The following ZNF385D variants were observed in gnomAD, a reference collection of about 807,000 sequenced individuals.
ZNF385D encodes the protein zinc finger protein 659.
In ZNF385D, 15 loss-of-function variants were observed where a neutral mutation model predicts 35.8. The ratio of observed to expected loss-of-function variants is 0.42; its 90% confidence interval spans 0.28 to 0.64. The LOEUF (loss-of-function observed/expected upper bound fraction) is 0.64, where lower values mean the gene tolerates loss of function less well. Among genes scored for constraint, ZNF385D ranks in the 30% least tolerant of loss-of-function variants. The probability of loss-of-function intolerance (pLI) is 0.23; values close to 1 mark genes in which losing one functional copy is unlikely to be tolerated. For synonymous variants in ZNF385D, 212 were observed against 186.8 expected, an observed-to-expected ratio of 1.13 and a Z score of -1.10; for missense variants, 474 against 494.6, an observed-to-expected ratio of 0.96 and a Z score of 0.39.
intron 3 of ZNF385D, among the ~76,000 whole-genome samples, chr3:22,050,740 C>T (rs761064675): frequency 6.6e-6 from 1 of 152,102 alleles, no homozygotes; most frequent in Non-Finnish European, 1.5e-5. Context: ...TATATTAATT[C>T]ATTGTGTATT....
At chr3:22,304,991 CTTT>C (rs752380032) in intron 2 of ZNF385D, among the ~76,000 whole-genome samples, 7 of 151,994 alleles carry the variant, frequency 4.6e-5, no homozygotes, top group African/African-American at 7.2e-5. Flanking sequence ...GTCAATTTTG[CTTT>C]TTATTATATC....
rs1322412147 is a variant in ZNF385D at position 21,425,579 on chromosome 3, A to G, written c.765T>C (p.Val255=). ...TTTGGAGGCCTGTGTTTCCTTTATT[A>G]ACAGGTCCTTTGCCTTTCACTCCTG... ...PRAGVKGKGP[V]NKGNTGLQNK... Residue 255 remains valine (V), a synonymous_variant, in exon 6 of 8, where the codon GTT becomes GTC. Coordinates refer to ENST00000281523, the MANE Select transcript of ZNF385D (RefSeq NM_024697.3). 1 of 1,611,796 alleles carries G rather than the reference A, an allele frequency of 6.2e-7. No homozygotes were observed. Among genetic ancestry groups the G allele is most frequent in the Non-Finnish European group, 8.5e-7 (1 of 1,178,946 alleles).
intron 3 of ZNF385D, among the ~76,000 whole-genome samples, chr3:22,125,277 T>C (rs1444418214): frequency 6.6e-6 from 1 of 152,168 alleles, no homozygotes; most frequent in Non-Finnish European, 1.5e-5. Flanking sequence ...AGTGTATGCA[T>C]CTGTTTTTAA....
At chr3:21,941,501 T>C (rs1340391467) in intron 3 of ZNF385D, among the ~76,000 whole-genome samples, 1 of 135,388 alleles carries the variant, frequency 7.4e-6, no homozygotes, top group African/African-American at 2.8e-5. Flanking sequence ...TTTTTTTTTT[T>C]TTTTTTTTTT....
At chr3:21,594,273 G>C (rs958870039) in intron 2 of ZNF385D, among the ~76,000 whole-genome samples, 1 of 152,160 alleles carries the variant, frequency 6.6e-6, no homozygotes, top group Non-Finnish European at 1.5e-5. Context: ...CATGGTTGTA[G>C]AGCTAGCTAA....
upstream of ZNF385D, chr3:21,751,233 T>TCC: frequency 8.4e-7 from 1 of 1,189,096 alleles, no homozygotes; most frequent in Non-Finnish European, 1.1e-6. Flanking sequence ...AGCAGACCCC[T>TCC]CCACCCCACC....
chr3:22,244,012 T>C (rs1699631914), intron 2 of ZNF385D, among the ~76,000 whole-genome samples: 1 of 150,898 alleles, frequency 6.6e-6, no homozygotes, highest in Non-Finnish European at 1.5e-5. Context: ...CCTTTCAATT[T>C]AGTAATCTCT....
At chr3:21,740,043 G>A (rs926358149) in intron 1 of ZNF385D, among the ~76,000 whole-genome samples, 3 of 152,162 alleles carry the variant, frequency 2.0e-5, no homozygotes, top group Non-Finnish European at 2.9e-5. Context: ...AGAAACTAGA[G>A]TGACCAGTTC....
chr3:22,256,210 C>T (rs1023614544), intron 2 of ZNF385D, among the ~76,000 whole-genome samples: 1 of 138,122 alleles, frequency 7.2e-6, no homozygotes. Context: ...TACATATATA[C>T]ATATATATAC....
At chr3:21,599,761 T>C (rs1192289008) in intron 2 of ZNF385D, among the ~76,000 whole-genome samples, 2 of 152,156 alleles carry the variant, frequency 1.3e-5, no homozygotes, top group Non-Finnish European at 2.9e-5. Flanking sequence ...GACCCTTCCT[T>C]CCTCCCTCCC....
chr3:22,183,970 G>A (rs1445993039), intron 2 of ZNF385D, among the ~76,000 whole-genome samples: 3 of 151,942 alleles, frequency 2.0e-5, no homozygotes, highest in African/African-American at 7.2e-5. Context: ...AGAAATGTAG[G>A]GTACAAAACT....
At position 21,418,369 on chromosome 3, in the gene ZNF385D, A is replaced by T. The variant is rs1359753712; in HGVS notation, c.*2845T>A. The T allele has an allele frequency of 6.6e-6, 1 of 152,144 alleles. No homozygotes were observed. The highest frequency in any genetic ancestry group is 6.5e-5 in the Admixed American group (1 of 15,272). The allele number at this position is 152,144 out of a possible 1,614,324, so 9.4% of individuals were successfully genotyped here. A position where few individuals can be genotyped will look rare whatever the true frequency, so the allele number is the denominator to read the frequency against. ...GAACTATAATGGATGTTAATCTGGT[A>T]TTGGTAAATATATGGAGTGTGGGGG... On this transcript the variant is annotated 3_prime_UTR_variant, in exon 8 of 8. Transcript: ENST00000281523.
At chr3:22,262,338 A>C (rs1473612498) in intron 2 of ZNF385D, among the ~76,000 whole-genome samples, 1 of 152,136 alleles carries the variant, frequency 6.6e-6, no homozygotes, top group South Asian at 2.1e-4. Context: ...ACACACATGG[A>C]AGAATGGGTA....
chr3:22,140,846 G>A (rs1704461764), intron 3 of ZNF385D, among the ~76,000 whole-genome samples: 1 of 152,202 alleles, frequency 6.6e-6, no homozygotes, highest in Admixed American at 6.5e-5. Context: ...GGTTGTCCTA[G>A]AGTTAATTAG....
At chr3:21,755,676 G>T (rs1329138012), upstream of ZNF385D, among the ~76,000 whole-genome samples, 1 of 152,064 alleles carries the variant, frequency 6.6e-6, no homozygotes, top group African/African-American at 2.4e-5. Context: ...GCCTTTACTT[G>T]TATGTAACCC....
chr3:22,141,104 G>T (rs921083485), intron 3 of ZNF385D, among the ~76,000 whole-genome samples: 10 of 152,056 alleles, frequency 6.6e-5, no homozygotes, highest in Non-Finnish European at 1.2e-4. Flanking sequence ...CTATTTAAAA[G>T]GCAACATATT....
intron 3 of ZNF385D, among the ~76,000 whole-genome samples, chr3:21,954,291 C>T (rs1160825127): frequency 6.6e-6 from 1 of 151,972 alleles, no homozygotes; most frequent in East Asian, 1.9e-4. Context: ...GTTTGACCCA[C>T]AGCAGATGAA....
intron 3 of ZNF385D, among the ~76,000 whole-genome samples, chr3:21,757,913 T>A (rs142962977): frequency 2.0e-5 from 3 of 152,258 alleles, no homozygotes; most frequent in African/African-American, 7.2e-5. Context: ...ATGCCATAAA[T>A]ATATGTTGAG....
intron 3 of ZNF385D, among the ~76,000 whole-genome samples, chr3:21,535,863 C>A (rs1405851276): frequency 2.0e-5 from 3 of 151,948 alleles, no homozygotes; most frequent in Non-Finnish European, 4.4e-5. Context: ...CCTCTGATAC[C>A]ATCCCATCGC....
Sources: allele counts gnomAD v4.1 joint callset (sites outside exome capture counted in the v4.1 genomes callset), GRCh38; gene constraint gnomAD v4.1.1; transcripts MANE v1.5; gene names NCBI Gene and HGNC (gene_info 2026-07-23, HGNC 2026-07-21).